Variants in NCAPG observed in about 807,000 individuals in gnomAD.
NCAPG encodes non-SMC condensin I complex subunit G.
A neutral mutation model predicts 113.1 loss-of-function variants in NCAPG; 69 were observed. The observed-to-expected ratio is 0.61, with a 90% CI of 0.50 to 0.75. The LOEUF (loss-of-function observed/expected upper bound fraction) is 0.75. Ranked by LOEUF, NCAPG falls within the 30% of genes least tolerant of loss-of-function variation. The probability of loss-of-function intolerance (pLI) is 0.00; values close to 1 mark genes in which losing one functional copy is unlikely to be tolerated. For synonymous variants in NCAPG, 370 were observed against 415.8 expected (o/e 0.89, Z 1.34); for missense variants, 1,058 against 1,177.0 (o/e 0.90, Z 1.48).
At position 17,837,510 on chromosome 4, in the gene NCAPG, T is replaced by C. The variant is rs945936870; in HGVS notation, c.2292-117T>C. On this transcript the variant is annotated intron_variant, in intron 15 of 20. Coordinates refer to ENST00000251496, the MANE Select transcript of NCAPG (RefSeq NM_022346.5). ...TTTATCTATCTGAATTTTTGGCTCT[T>C]TCCTAGATGAAAATGCACTTAATGA... 6 of 1,340,826 alleles carry C rather than the reference T, an allele frequency of 4.5e-6. No homozygotes were observed. In the African/African-American group the frequency reaches 8.8e-5, roughly 20 times the overall value. 83.1% of individuals were successfully genotyped at this position (1,340,826 alleles called of 1,614,324 possible). A position where few individuals can be genotyped will look rare whatever the true frequency, so the allele number is the denominator to read the frequency against.
chr4:17,830,734 T>C (rs182948810), intron 12 of NCAPG, among the ~76,000 whole-genome samples: 1 of 152,168 alleles, frequency 6.6e-6, no homozygotes, highest in Admixed American at 6.5e-5. Context: ...AACTACACAA[T>C]AGGGAATAGT....
At chr4:17,834,186 A>G in intron 13 of NCAPG, 113 bp from the exon 14 acceptor site, 1 of 625,770 alleles carries the variant, frequency 1.6e-6, no homozygotes, top group Non-Finnish European at 2.7e-6. Flanking sequence ...TAGACTAGAC[A>G]CTGTCATTAA....
At chr4:17,833,465 A>T (rs1225143684) in intron 13 of NCAPG, among the ~76,000 whole-genome samples, 16 of 141,844 alleles carry the variant, frequency 1.1e-4, no homozygotes, top group African/African-American at 4.1e-4. Context: ...TCTCAAAAAA[A>T]AAAAATATAT....
At chr4:17,831,548 G>A (rs986609430) in intron 13 of NCAPG, among the ~76,000 whole-genome samples, 1 of 152,146 alleles carries the variant, frequency 6.6e-6, no homozygotes, top group African/African-American at 2.4e-5. Context: ...GTGGGAAGGA[G>A]GAGAGGGAAC....
intron 16 of NCAPG, among the ~76,000 whole-genome samples, chr4:17,839,034 A>G (rs1722220098): frequency 6.6e-6 from 1 of 152,230 alleles, no homozygotes; most frequent in Non-Finnish European, 1.5e-5. Context: ...AGAGCTTGAG[A>G]GGCAAGGGAG....
chr4:17,835,996 A>G (rs1722078776), intron 14 of NCAPG, among the ~76,000 whole-genome samples: 1 of 152,114 alleles, frequency 6.6e-6, no homozygotes, highest in Non-Finnish European at 1.5e-5. Context: ...TATACCTAGG[A>G]ATTGTGTTGC....
chr4:17,819,095 T>A (rs1194013291), intron 7 of NCAPG, among the ~76,000 whole-genome samples: 2 of 152,176 alleles, frequency 1.3e-5, no homozygotes, highest in African/African-American at 4.8e-5. Flanking sequence ...ATATACTTTT[T>A]TTTTCAACTG....
At position 17,837,650 on chromosome 4, in the gene NCAPG, A is replaced by C. The variant is rs74683621; in HGVS notation, c.2315A>C (p.Glu772Ala). Residue 772 changes from glutamate (E) to alanine (A), a missense_variant, in exon 16 of 21, where the codon GAA becomes GCA. By Grantham distance (107) the Glu-to-Ala change is moderately radical. Coordinates refer to ENST00000251496, the MANE Select transcript of NCAPG (RefSeq NM_022346.5). ...AGGACTAATCAGGAATGCTTTGAAG[A>C]AGCTTTTCTTCCAACCCTGCAAACA... Reference protein sequence around the residue: ...ASRTNQECFEEAFLPTLQTLA... With the variant: ...ASRTNQECFEAAFLPTLQTLA... 2.5e-6 allele frequency: 4 copies of C among 1,613,578 alleles called. No homozygotes were observed. The highest frequency in any genetic ancestry group is 3.3e-5 in the Admixed American group (2 of 59,934).
intron 13 of NCAPG, among the ~76,000 whole-genome samples, chr4:17,833,622 C>CTA (rs543966237): frequency 0.01 from 1,529 of 150,628 alleles, 33 homozygotes; most frequent in African/African-American, 0.035. Context: ...TAATTTCTCA[C>CTA]TATATATATA....
In NCAPG at chr4:17,822,593, T is replaced by A. The variant is rs112206799; in HGVS notation, c.1119-390T>A. Among the ~76,000 whole-genome samples, 81 of 152,274 alleles carry A rather than the reference T, an allele frequency of 5.3e-4. 2 individuals are homozygous for A. Among genetic ancestry groups the A allele is most frequent in the African/African-American group, 1.8e-3 (74 of 41,566 alleles). On this transcript the variant is annotated intron_variant, in intron 7 of 20. Transcript: ENST00000251496. ...GGGCTATGTCATAAGTCAAATGAGT[T>A]TAATTCTCAGATAAACTCATCCTAA...
intron 11 of NCAPG, among the ~76,000 whole-genome samples, chr4:17,826,539 A>G (rs1412823451): frequency 6.6e-6 from 1 of 152,244 alleles, no homozygotes; most frequent in African/African-American, 2.4e-5. Context: ...ATTTAAAGCA[A>G]AAACTGAAAA....
rs773984158 is a variant in NCAPG, at chr4:17,837,225, A to G, written c.2176A>G (p.Ser726Gly). ...AKLMFSGLLV[S>G]SRILSRLILL... ...GCTGATGTTCTCTGGGCTTTTGGTC[A>G]GCAGCAGGATTCTTTCTCGTCTTAT... The change falls in exon 15 of 21, where the codon AGC becomes GGC. Residue 726 changes from serine (S) to glycine (G), a missense_variant. By Grantham distance (56) the Ser-to-Gly change is moderately conservative. Coordinates refer to ENST00000251496, the MANE Select transcript of NCAPG (RefSeq NM_022346.5). The G allele has an allele frequency of 1.3e-5, 21 of 1,614,062 alleles. No individual in the cohort carries two copies. The highest frequency in any genetic ancestry group is 1.8e-5 in the Non-Finnish European group (21 of 1,179,952).
Position 17,841,684 on chromosome 4 carries a change from T to C in NCAPG, c.2855-626T>C, listed in dbSNP as rs1023844939. 5 of 152,080 alleles carry C rather than the reference T, an allele frequency of 3.3e-5. No individual in the cohort carries two copies. The East Asian group carries it at 5.8e-4, about 18-fold the overall frequency. The allele number at this position is 152,080 out of a possible 1,614,324, so 9.4% of individuals were successfully genotyped here. A position where few individuals can be genotyped will look rare whatever the true frequency, so the allele number is the denominator to read the frequency against. On this transcript the variant is annotated intron_variant, in intron 19 of 20. Transcript: ENST00000251496. The stretch of plus-strand genomic sequence containing the variant: ...TATATTCATATTGTTTTATTCCTTA[T>C]AAATGAGAAACATCACAAGCCAAAC...
At chr4:17,813,634 A>C (rs948858219) in intron 3 of NCAPG, among the ~76,000 whole-genome samples, 9 of 152,248 alleles carry the variant, frequency 5.9e-5, no homozygotes, top group Non-Finnish European at 1.2e-4. Context: ...GGTTATATGA[A>C]TTGTAGATCT....
chr4:17,837,078 A>G, intron 14 of NCAPG, 81 bp from the exon 15 acceptor site: 2 of 1,262,840 alleles, frequency 1.6e-6, no homozygotes, highest in Non-Finnish European at 2.2e-6. Context: ...TTCGTGTAAA[A>G]ATACTGTAGG....
chr4:17,840,244 C>T, intron 18 of NCAPG, 35 bp downstream of exon 18: 9 of 1,469,220 alleles, frequency 6.1e-6, no homozygotes, highest in South Asian at 3.0e-5. Flanking sequence ...TTATAAGGTT[C>T]TGTTTTTTTT....
rs1348915664 is a variant in NCAPG, at chr4:17,823,637, T to C, written c.1260-10T>C. 4 of 1,602,638 alleles carry C rather than the reference T, an allele frequency of 2.5e-6. No homozygotes were observed. In the Admixed American group the frequency reaches 5.2e-5, roughly 21 times the overall value. On this transcript the variant is annotated splice_polypyrimidine_tract_variant and intron_variant, in intron 8 of 20. Transcript: ENST00000251496. ...ATAATAATATTTAAATTAGTTCTTT[T>C]TGACTGCAGAAAAAAACTGCTGGCT...
chr4:17,843,656 G>T lies in NCAPG; in HGVS notation c.*231G>T. 2 of 331,348 alleles carry T rather than the reference G, an allele frequency of 6.0e-6. No homozygotes were observed. The highest frequency in any genetic ancestry group is 6.1e-5 in the South Asian group (1 of 16,288). 20.5% of individuals were successfully genotyped at this position (331,348 alleles called of 1,614,324 possible). A position where few individuals can be genotyped will look rare whatever the true frequency, so the allele number is the denominator to read the frequency against. ...CACAGATTTATCACAATCTGAGGTGGGCCTAGGAATCTCATTTTTAAATAG... is the reference window on the plus strand; with the variant it reads ...CACAGATTTATCACAATCTGAGGTGTGCCTAGGAATCTCATTTTTAAATAG... On this transcript the variant is annotated 3_prime_UTR_variant, in exon 21 of 21. Coordinates refer to ENST00000251496, the MANE Select transcript of NCAPG (RefSeq NM_022346.5).
At chr4:17,842,083 C>T (rs1577216783) in intron 19 of NCAPG, 2 of 416,594 alleles carry the variant, frequency 4.8e-6, no homozygotes, top group African/African-American at 2.0e-5. Context: ...CCTTATTTTC[C>T]CTTACTCATT....
Sources: allele counts gnomAD v4.1 joint callset (sites outside exome capture counted in the v4.1 genomes callset), GRCh38; gene constraint gnomAD v4.1.1; transcripts MANE v1.5; gene names NCBI Gene and HGNC (gene_info 2026-07-23, HGNC 2026-07-21).